Variants in TMEM272 observed in about 807,000 individuals in gnomAD.
TMEM272 encodes the protein transmembrane protein 272, also known as long intergenic non-protein coding RNA 282.
In TMEM272, 8 loss-of-function variants were observed where a neutral mutation model predicts 3.7. That is an observed-to-expected ratio of 2.17 (90% CI 1.27 to 3.91). TMEM272 has a LOEUF of 3.91. TMEM272 is among the 30% of genes most tolerant of loss of function. The pLI is 0.00. For synonymous variants in TMEM272, 63 were observed against 39.8 expected (o/e 1.58, Z -2.20); for missense variants, 166 against 91.5 (o/e 1.81, Z -3.32).
Position 51,816,623 on chromosome 13 carries a change from G to T in TMEM272, c.*128C>A. ...GGCTTTTTAAATGCCTTCAGGGAAGGTTTTATTACCTTTATGCCCTTCTCT... is the reference window on the plus strand; with the variant it reads ...GGCTTTTTAAATGCCTTCAGGGAAGTTTTTATTACCTTTATGCCCTTCTCT... On this transcript the variant is annotated 3_prime_UTR_variant, in exon 5 of 5. Coordinates refer to ENST00000629372, the MANE Select transcript of TMEM272 (RefSeq NM_001351003.2). 1.7e-6 allele frequency: 1 copy of T among 594,408 alleles called. No individual in the cohort carries two copies. Among genetic ancestry groups the T allele is most frequent in the South Asian group, 2.0e-5 (1 of 49,290 alleles). 36.8% of individuals were successfully genotyped at this position (594,408 alleles called of 1,614,324 possible). A position where few individuals can be genotyped will look rare whatever the true frequency, so the allele number is the denominator to read the frequency against.
chr13:51,915,022 A>C, the TMEM272 span, among the ~76,000 whole-genome samples: 1 of 152,260 alleles, frequency 6.6e-6, no homozygotes, highest in Non-Finnish European at 1.5e-5. Context: ...TTAGGTACAA[A>C]AGTGATGTTT....
At chr13:51,852,723 CA>C in the TMEM272 span, among the ~76,000 whole-genome samples, 2 of 151,802 alleles carry the variant, frequency 1.3e-5, no homozygotes, top group Non-Finnish European at 2.9e-5. Context: ...ACTAAAAATA[CA>C]AAAAATTAGC....
chr13:51,919,950 G>A, the TMEM272 span, among the ~76,000 whole-genome samples: 1 of 152,160 alleles, frequency 6.6e-6, no homozygotes, highest in African/African-American at 2.4e-5. Flanking sequence ...AAGGAAGGAA[G>A]GAAAGGAAGA....
At chr13:51,917,440 C>A in the TMEM272 span, among the ~76,000 whole-genome samples, 2 of 152,130 alleles carry the variant, frequency 1.3e-5, no homozygotes, top group Non-Finnish European at 2.9e-5. Flanking sequence ...CAAAGATGGA[C>A]AGGCACCCCT....
At chr13:51,881,867 A>T in the TMEM272 span, among the ~76,000 whole-genome samples, 942 of 152,276 alleles carry the variant, frequency 6.2e-3, 7 homozygotes, top group African/African-American at 0.022. Flanking sequence ...TGCTGAGGTT[A>T]TGGTATTCCA....
chr13:51,892,695 G>C, the TMEM272 span, among the ~76,000 whole-genome samples: 4 of 152,030 alleles, frequency 2.6e-5, no homozygotes, highest in African/African-American at 7.3e-5. Flanking sequence ...CATTCCCCAT[G>C]ATGGCCTTTC....
chr13:51,928,607 C>T, the TMEM272 span, among the ~76,000 whole-genome samples: 501 of 152,298 alleles, frequency 3.3e-3, 2 homozygotes, highest in Non-Finnish European at 4.7e-3. Flanking sequence ...CTGTGGACTG[C>T]CCCTTCCAAC....
the TMEM272 span, among the ~76,000 whole-genome samples, chr13:51,904,211 AATGATG>A: frequency 6.6e-6 from 1 of 151,850 alleles, no homozygotes; most frequent in African/African-American, 2.4e-5. Context: ...TGGTAATATT[AATGATG>A]ATGATGATGA....
upstream of TMEM272, among the ~76,000 whole-genome samples, chr13:51,849,472 TGA>T (rs1956321374): frequency 6.6e-6 from 1 of 152,256 alleles, no homozygotes; most frequent in South Asian, 2.1e-4. Flanking sequence ...GTTAAGATGT[TGA>T]GTTTTATGTT....
At chr13:51,851,821 C>T in the TMEM272 span, among the ~76,000 whole-genome samples, 2 of 152,340 alleles carry the variant, frequency 1.3e-5, no homozygotes, top group Admixed American at 1.3e-4. Context: ...CCGCGCCCAG[C>T]CTGTTATATA....
At chr13:51,883,577 G>A in the TMEM272 span, among the ~76,000 whole-genome samples, 1 of 152,152 alleles carries the variant, frequency 6.6e-6, no homozygotes, top group Non-Finnish European at 1.5e-5. Flanking sequence ...TTTGGAAAAA[G>A]CACCATTCAA....
the TMEM272 span, among the ~76,000 whole-genome samples, chr13:51,877,142 A>C: frequency 6.6e-6 from 1 of 152,218 alleles, no homozygotes. Flanking sequence ...AGCTCTGTCC[A>C]ACCTGCACAA....
the TMEM272 span, chr13:51,908,081 A>G: frequency 4.3e-5 from 17 of 392,950 alleles, no homozygotes; most frequent in Middle Eastern, 7.7e-4. Context: ...CCTTATTTAC[A>G]AAATACTATC....
chr13:51,911,397 C>T, the TMEM272 span, among the ~76,000 whole-genome samples: 1 of 152,208 alleles, frequency 6.6e-6, no homozygotes, highest in Admixed American at 6.5e-5. Context: ...GCACTTAAAA[C>T]AGTGCTGTCA....
At chr13:51,861,863 T>A in the TMEM272 span, 1 of 152,406 alleles carries the variant, frequency 6.6e-6, no homozygotes, top group Non-Finnish European at 1.5e-5. Flanking sequence ...AAGTGATTCA[T>A]CCCACACAAA....
chr13:51,856,288 A>G, the TMEM272 span, among the ~76,000 whole-genome samples: 6 of 152,208 alleles, frequency 3.9e-5, no homozygotes, highest in East Asian at 1.9e-4. Flanking sequence ...GATGTTATCT[A>G]CAGGAGCAAC....
chr13:51,911,729 A>AC, the TMEM272 span, among the ~76,000 whole-genome samples: 26 of 152,146 alleles, frequency 1.7e-4, no homozygotes, highest in Admixed American at 2.0e-4. Flanking sequence ...CGCTGACCTG[A>AC]CAGTGGGTGT....
chr13:51,836,920 A>G (rs577414470), intron 2 of TMEM272, among the ~76,000 whole-genome samples: 30 of 152,354 alleles, frequency 2.0e-4, no homozygotes, highest in African/African-American at 5.1e-4. Flanking sequence ...ACGGGGACTC[A>G]ATCACAAAGG....
the TMEM272 span, chr13:51,908,600 A>G: frequency 0.17 from 236,926 of 1,375,168 alleles, 10,384 homozygotes; most frequent in East Asian, 0.39. Context: ...GGAGAGATGA[A>G]TCAGCCACAT....
Sources: gnomAD v4.1 joint callset for allele counts (sites outside exome capture counted in the v4.1 genomes callset) on GRCh38, gnomAD v4.1.1 for gene constraint, MANE v1.5 for transcripts, NCBI Gene and HGNC (gene_info 2026-07-23, HGNC 2026-07-21) for gene names.